The following RANBP17 variants were observed in gnomAD, a reference collection of about 807,000 sequenced individuals.
The protein encoded by RANBP17 is RAN binding protein 17.
In RANBP17, 158 loss-of-function variants were observed where a neutral mutation model predicts 141.2. The observed-to-expected ratio is 1.12, with a 90% CI of 0.98 to 1.28. The LOEUF is 1.28. Ranked by LOEUF, RANBP17 falls within the 50% of genes most tolerant of loss-of-function variation. The pLI is 0.00. For synonymous variants in RANBP17, 430 were observed against 450.0 expected, an observed-to-expected ratio of 0.96 and a Z score of 0.56; for missense variants, 1,438 against 1,290.7, an observed-to-expected ratio of 1.11 and a Z score of -1.75.
At chr5:171,289,619 G>A (rs1470003703) in intron 25 of RANBP17, among the ~76,000 whole-genome samples, 1 of 152,080 alleles carries the variant, frequency 6.6e-6, no homozygotes, top group African/African-American at 2.4e-5. Context: ...CCTGCCTGTA[G>A]TCCCAGCCAC....
chr5:171,216,315 T>C lies in RANBP17; in HGVS notation c.2339+2577T>C, dbSNP rs559454818. On this transcript the variant is annotated intron_variant, in intron 21 of 27. Coordinates refer to ENST00000523189, the MANE Select transcript of RANBP17 (RefSeq NM_022897.5). ...TTTTGGTTACTGTAGCCTTGTAGTA[T>C]AGTATGAAGCCAGGTAGCATGATCC... Among the ~76,000 whole-genome samples the C allele has an allele frequency of 1.7e-3, 258 of 152,312 alleles. 1 individual carries two copies. The highest frequency in any genetic ancestry group is 2.8e-3 in the Non-Finnish European group (192 of 68,028).
At chr5:171,176,876 G>T (rs1760518918) in intron 16 of RANBP17, among the ~76,000 whole-genome samples, 1 of 152,162 alleles carries the variant, frequency 6.6e-6, no homozygotes, top group South Asian at 2.1e-4. Context: ...AATGTGGTAG[G>T]TGTCAGGAAA....
chr5:170,976,912 A>G (rs1479975561), intron 14 of RANBP17, among the ~76,000 whole-genome samples: 2 of 152,140 alleles, frequency 1.3e-5, no homozygotes, highest in Admixed American at 6.5e-5. Flanking sequence ...CTTAAAACAT[A>G]GAAGTAAGTC....
intron 22 of RANBP17, among the ~76,000 whole-genome samples, chr5:171,239,855 C>T (rs1195436545): frequency 6.6e-6 from 1 of 152,098 alleles, no homozygotes. Context: ...AAAGTGAAAC[C>T]GAGCAGCATT....
At chr5:171,132,096 A>G (rs1756962248) in intron 14 of RANBP17, among the ~76,000 whole-genome samples, 1 of 152,176 alleles carries the variant, frequency 6.6e-6, no homozygotes, top group Non-Finnish European at 1.5e-5. Flanking sequence ...ATTTATATAT[A>G]AATAATAGAT....
At chr5:171,210,155 T>C (rs368737560) in intron 20 of RANBP17, among the ~76,000 whole-genome samples, 34 of 152,292 alleles carry the variant, frequency 2.2e-4, no homozygotes, top group African/African-American at 7.9e-4. Context: ...ACCTAAGGGC[T>C]CCCATTCTCT....
chr5:171,285,675 T>C (rs1300455778), intron 25 of RANBP17, among the ~76,000 whole-genome samples: 1 of 152,218 alleles, frequency 6.6e-6, no homozygotes, highest in East Asian at 1.9e-4. Flanking sequence ...ACTTGAAATA[T>C]GATTTACTAC....
At chr5:170,868,531 C>G (rs1767456085) in intron 1 of RANBP17, among the ~76,000 whole-genome samples, 1 of 152,166 alleles carries the variant, frequency 6.6e-6, no homozygotes, top group Non-Finnish European at 1.5e-5. Context: ...CTTGGCCCCT[C>G]AAAGTGCTGA....
intron 14 of RANBP17, among the ~76,000 whole-genome samples, chr5:171,016,271 G>A (rs368584375): frequency 5.3e-5 from 8 of 151,302 alleles, no homozygotes; most frequent in African/African-American, 1.9e-4. Context: ...TTAGGCAAGA[G>A]GGTCAATACT....
At chr5:170,956,430 C>A (rs938458581) in intron 13 of RANBP17, among the ~76,000 whole-genome samples, 1 of 151,910 alleles carries the variant, frequency 6.6e-6, no homozygotes, top group African/African-American at 2.4e-5. Flanking sequence ...TCTTCATGGA[C>A]CATGAATATT....
chr5:171,205,124 A>G (rs1031560703), intron 19 of RANBP17, among the ~76,000 whole-genome samples: 1 of 152,176 alleles, frequency 6.6e-6, no homozygotes, highest in Non-Finnish European at 1.5e-5. Flanking sequence ...GATAGACTCT[A>G]AATTATGTTG....
chr5:171,038,050 A>G (rs1350974620), intron 14 of RANBP17, among the ~76,000 whole-genome samples: 1 of 152,124 alleles, frequency 6.6e-6, no homozygotes. Context: ...CCTCCAATCC[A>G]TGAGCATGCA....
intron 12 of RANBP17, among the ~76,000 whole-genome samples, chr5:170,933,427 G>GA (rs1773573183): frequency 6.6e-6 from 1 of 152,018 alleles, no homozygotes; most frequent in Admixed American, 6.5e-5. Context: ...GTTCTGCTCT[G>GA]ATCTTAGTTA....
intron 20 of RANBP17, among the ~76,000 whole-genome samples, chr5:171,211,436 G>A (rs1581033500): frequency 6.6e-6 from 1 of 151,786 alleles, no homozygotes; most frequent in South Asian, 2.1e-4. Flanking sequence ...TAATTTTTGT[G>A]TTTTTAGTAG....
At chr5:171,266,407 G>A (rs1766684328) in intron 25 of RANBP17, among the ~76,000 whole-genome samples, 2 of 152,116 alleles carry the variant, frequency 1.3e-5, no homozygotes, top group South Asian at 4.1e-4. Context: ...ATTTTCTAGT[G>A]TATGTTCTAA....
intron 14 of RANBP17, chr5:171,029,049 C>T: frequency 3.4e-6 from 2 of 596,800 alleles, no homozygotes; most frequent in Non-Finnish European, 4.7e-6. Flanking sequence ...AAGTCATACT[C>T]AGGCATGAAC....
chr5:171,182,699 C>T (rs998331822), intron 16 of RANBP17, among the ~76,000 whole-genome samples: 1 of 152,180 alleles, frequency 6.6e-6, no homozygotes, highest in Non-Finnish European at 1.5e-5. Context: ...GCTATATCCT[C>T]CTAATTATAT....
chr5:170,908,503 G>A (rs1266195364), intron 5 of RANBP17, among the ~76,000 whole-genome samples: 1 of 151,064 alleles, frequency 6.6e-6, no homozygotes, highest in African/African-American at 2.4e-5. Flanking sequence ...TAGAAACTGG[G>A]GACTACTAGA....
At chr5:170,999,098 T>C (rs1019039382) in intron 14 of RANBP17, among the ~76,000 whole-genome samples, 14 of 152,132 alleles carry the variant, frequency 9.2e-5, no homozygotes, top group Non-Finnish European at 1.5e-4. Flanking sequence ...AATCTAGGCC[T>C]TTATTTTCCT....
Sources: gnomAD v4.1 joint callset for allele counts (sites outside exome capture counted in the v4.1 genomes callset) on GRCh38, gnomAD v4.1.1 for gene constraint, MANE v1.5 for transcripts, NCBI Gene and HGNC (gene_info 2026-07-23, HGNC 2026-07-21) for gene names.